Variants in TMEM248 observed in about 807,000 individuals in gnomAD.
TMEM248 encodes UPF0458 protein C7orf42.
A neutral mutation model predicts 30.3 loss-of-function variants in TMEM248; 9 were observed. The ratio of observed to expected loss-of-function variants is 0.30; its 90% CI spans 0.18 to 0.52. The LOEUF is 0.52. Among genes scored for constraint, TMEM248 ranks in the 20% least tolerant of loss-of-function variants. The pLI is 0.97. For missense variants in TMEM248, 338 were observed against 403.3 expected (o/e 0.84, Z 1.39); for synonymous variants, 184 against 154.4 (o/e 1.19, Z -1.42).
intron 1 of TMEM248, among the ~76,000 whole-genome samples, chr7:66,933,781 G>A (rs186880559): frequency 6.5e-4 from 99 of 152,286 alleles, no homozygotes; most frequent in African/African-American, 2.0e-3. Flanking sequence ...ATGTTCTCAC[G>A]TGCTTGTGAA....
At chr7:66,929,426 A>ATTTTTTTTTTTTTTTTTT (rs35126436) in intron 1 of TMEM248, among the ~76,000 whole-genome samples, 20 of 97,674 alleles carry the variant, frequency 2.0e-4, no homozygotes, top group Admixed American at 6.5e-4. Flanking sequence ...TGAGAGACAA[A>ATTTTTTTTTTTTTTTTTT]TTTTTTTTTT....
Position 66,945,254 on chromosome 7 carries a change from A to G in TMEM248, c.438A>G (p.Gly146=). The G allele has an allele frequency of 6.2e-7, 1 of 1,612,594 alleles. No individual in the cohort carries two copies. The highest frequency in any genetic ancestry group is 8.5e-7 in the Non-Finnish European group (1 of 1,178,716). The change falls in exon 3 of 7, where the codon GGA becomes GGG. Residue 146 remains glycine (G), a synonymous_variant. Coordinates refer to ENST00000341567, the MANE Select transcript of TMEM248 (RefSeq NM_017994.5). The stretch of plus-strand genomic sequence containing the variant: ...CAACCATCTTAGGGCATCAGATTGG[A>G]CTTTCAGGTATGCAGTAGCCACTCT... ...LYSTILGHQI[G]LSGREAHEEI...
intron 6 of TMEM248, among the ~76,000 whole-genome samples, chr7:66,953,939 CTT>C (rs34925648): frequency 0.12 from 9,889 of 83,456 alleles, 255 homozygotes; most frequent in South Asian, 0.18. Flanking sequence ...AGATTACTTT[CTT>C]TTTTTTTTTT....
intron 5 of TMEM248, 23 bp from the exon 6 acceptor site, chr7:66,953,203 T>C: frequency 6.2e-7 from 1 of 1,611,506 alleles, no homozygotes; most frequent in South Asian, 1.1e-5. Flanking sequence ...ATGTTTCTGA[T>C]TTTTTTTCTC....
chr7:66,927,628 T>G (rs192701199), intron 1 of TMEM248, among the ~76,000 whole-genome samples: 2 of 147,540 alleles, frequency 1.4e-5, no homozygotes, highest in East Asian at 4.0e-4. Flanking sequence ...GGTTTTGTTT[T>G]TTTTTTTTTT....
chr7:66,945,296 G>C (rs1792068642), intron 3 of TMEM248, 35 bp downstream of exon 3: 1 of 1,598,032 alleles, frequency 6.3e-7, no homozygotes, highest in East Asian at 2.2e-5. Context: ...AGGCTCCTTA[G>C]GCAACCACTG....
At chr7:66,929,198 G>A (rs181929426) in intron 1 of TMEM248, among the ~76,000 whole-genome samples, 1 of 152,258 alleles carries the variant, frequency 6.6e-6, no homozygotes, top group African/African-American at 2.4e-5. Context: ...TTCACTTCCC[G>A]TGTGATCATG....
At chr7:66,950,815 G>A in intron 4 of TMEM248, 137 bp from the exon 5 acceptor site, 1 of 587,308 alleles carries the variant, frequency 1.7e-6, no homozygotes, top group Non-Finnish European at 2.7e-6. Flanking sequence ...TCTCAAAGAA[G>A]CATGAACGTG....
intron 1 of TMEM248, among the ~76,000 whole-genome samples, chr7:66,933,739 T>G (rs1310554271): frequency 6.6e-6 from 1 of 152,206 alleles, no homozygotes; most frequent in Non-Finnish European, 1.5e-5. Context: ...GTCTCAGAGA[T>G]CTAAGGTACT....
intron 2 of TMEM248, among the ~76,000 whole-genome samples, chr7:66,944,569 T>C (rs1792044497): frequency 6.6e-6 from 1 of 152,226 alleles, no homozygotes; most frequent in Admixed American, 6.5e-5. Context: ...AAGGTGACTT[T>C]ATTTAAAGAA....
rs114560707 is a variant in TMEM248, at chr7:66,955,130, G to T, written c.925-372G>T. On this transcript the variant is annotated intron_variant, in intron 6 of 6. Coordinates refer to ENST00000341567, the MANE Select transcript of TMEM248 (RefSeq NM_017994.5). ...GTTAAAAAATTAGCCAGATGTAATG[G>T]TGCATGCCTGTATTCCCAGCTACTG... 7.6e-3 allele frequency among the ~76,000 whole-genome samples: 1,164 copies of T among 152,232 alleles called. 18 individuals carry two copies. The highest frequency in any genetic ancestry group is 0.026 in the African/African-American group (1,094 of 41,540).
At chr7:66,947,864 G>T (rs900902214) in intron 3 of TMEM248, among the ~76,000 whole-genome samples, 14 of 152,122 alleles carry the variant, frequency 9.2e-5, no homozygotes, top group Non-Finnish European at 2.1e-4. Context: ...CTGGGCTCAA[G>T]TGATCCTCCC....
chr7:66,935,981 C>T lies in TMEM248; in HGVS notation c.-18-5867C>T, dbSNP rs144085666. ...TTTTTGATGGAGTATTTAGATTTAT[C>T]CAAATATAAGATCATACCATCTGCA... On this transcript the variant is annotated intron_variant, in intron 1 of 6. Coordinates refer to ENST00000341567, the MANE Select transcript of TMEM248 (RefSeq NM_017994.5). 2.3e-4 allele frequency among the ~76,000 whole-genome samples: 35 copies of T among 152,268 alleles called. No homozygotes were observed. In the East Asian group the frequency reaches 6.7e-3, roughly 29 times the overall value.
At chr7:66,948,085 C>CACTT (rs1485100135) in intron 3 of TMEM248, among the ~76,000 whole-genome samples, 1 of 152,184 alleles carries the variant, frequency 6.6e-6, no homozygotes, top group Non-Finnish European at 1.5e-5. Flanking sequence ...TAAGCTTCAT[C>CACTT]ACTTGCCTTT....
chr7:66,931,871 C>T (rs1377444802), intron 1 of TMEM248, among the ~76,000 whole-genome samples: 1 of 127,276 alleles, frequency 7.9e-6, no homozygotes, highest in Non-Finnish European at 1.6e-5. Context: ...GTGGTGCTAT[C>T]TCGGCTCACT....
chr7:66,953,482 G>T (rs776031916), intron 6 of TMEM248, 113 bp downstream of exon 6: 268 of 1,386,636 alleles, frequency 1.9e-4, no homozygotes, highest in Non-Finnish European at 2.4e-4. Flanking sequence ...CTAAAGAAAT[G>T]ACAGTCATCC....
chr7:66,936,955 A>T (rs767352517), intron 1 of TMEM248, among the ~76,000 whole-genome samples: 13 of 151,222 alleles, frequency 8.6e-5, no homozygotes, highest in African/African-American at 1.2e-4. Context: ...TATTTCTTCT[A>T]ATTTTGTGTT....
intron 1 of TMEM248, among the ~76,000 whole-genome samples, chr7:66,931,793 T>C (rs975615730): frequency 1.6e-5 from 1 of 63,208 alleles, no homozygotes; most frequent in South Asian, 6.0e-4. Flanking sequence ...GCCTTCCTCC[T>C]TTTTTTTTTT....
At chr7:66,953,160 C>T (rs2129226412) in intron 5 of TMEM248, 66 bp from the exon 6 acceptor site, 1 of 1,554,686 alleles carries the variant, frequency 6.4e-7, no homozygotes, top group Non-Finnish European at 8.7e-7. Flanking sequence ...CTCTCAAAAC[C>T]CAGCATTAAA....
Sources: allele counts gnomAD v4.1 joint callset (sites outside exome capture counted in the v4.1 genomes callset), GRCh38; gene constraint gnomAD v4.1.1; transcripts MANE v1.5; gene names NCBI Gene and HGNC (gene_info 2026-07-23, HGNC 2026-07-21).